Variants in PKD1 observed in about 807,000 individuals in gnomAD.
The protein encoded by PKD1 is polycystin-1.
PKD1 carries 81 observed loss-of-function variants against 361.7 expected under a neutral mutation model. The observed-to-expected ratio is 0.22, with a 90% confidence interval of 0.19 to 0.27. The LOEUF (loss-of-function observed/expected upper bound fraction) is 0.27. PKD1 is among the 10% of genes least tolerant of loss of function. The pLI is 1.00. For missense variants in PKD1, 6,399 were observed against 6,118.3 expected, an observed-to-expected ratio of 1.05 and a Z score of -1.53; for synonymous variants, 3,615 against 2,818.3, an observed-to-expected ratio of 1.28 and a Z score of -8.95.
rs1025630576 is a variant in PKD1, at chr16:2,107,236, G to A, written c.7066-288C>T. On this transcript the variant is annotated intron_variant, in intron 16 of 45. Coordinates refer to ENST00000262304, the MANE Select transcript of PKD1 (RefSeq NM_001009944.3). ...GCTCACTGAGGGCCCCTGGGGGGATGCGTGTGAGAAGAGACGTATGTGTGG... is the reference window on the plus strand; with the variant it reads ...GCTCACTGAGGGCCCCTGGGGGGATACGTGTGAGAAGAGACGTATGTGTGG... 6 of 500,124 alleles carry A rather than the reference G, an allele frequency of 1.2e-5. 1 individual carries two copies. The highest frequency in any genetic ancestry group is 3.2e-5 in the Admixed American group (1 of 31,446). 31.0% of individuals were successfully genotyped at this position (500,124 alleles called of 1,614,324 possible).
intron 37 of PKD1, 200 bp from the exon 38 acceptor site, chr16:2,093,293 G>C (rs2091685244): frequency 1.4e-6 from 1 of 703,218 alleles, no homozygotes; most frequent in Non-Finnish European, 2.4e-6. Flanking sequence ...AGACACACAG[G>C]CCACTGCAGT....
In PKD1 at chr16:2,106,269, C is replaced by T. The variant is rs370662937; in HGVS notation, c.7525G>A (p.Val2509Met). The change falls in exon 19 of 46, where the codon GTG becomes ATG. Residue 2509 changes from valine to methionine, a missense_variant. Val to Met is a conservative substitution (Grantham distance 21). Coordinates refer to ENST00000262304, the MANE Select transcript of PKD1 (RefSeq NM_001009944.3). The surrounding 1 kb of genome is among the most constrained non-coding windows in gnomAD (Gnocchi z 6.5). ...CAGCGCCGCAGCAGCAGGGCGTACA[C>T]CAGCGGGGCGCCAGCATCCTCCGCG... ...HDAEDAGAPL[V>M]YALLLRRCRQ... 7 of 1,610,066 alleles carry T rather than the reference C, an allele frequency of 4.3e-6. No individual in the cohort carries two copies. The highest frequency in any genetic ancestry group is 1.3e-5 in the African/African-American group (1 of 74,846).
chr16:2,120,541 G>A (rs1473625422), intron 1 of PKD1, among the ~76,000 whole-genome samples: 3 of 151,962 alleles, frequency 2.0e-5, no homozygotes, highest in African/African-American at 7.2e-5. Context: ...ATCTCTACAA[G>A]GAAAAAAAGA....
At chr16:2,115,762 C>G in intron 9 of PKD1, 137 bp from the exon 10 acceptor site, 2 of 1,023,888 alleles carry the variant, frequency 2.0e-6, no homozygotes, top group South Asian at 3.0e-5. Context: ...CAGCCCAGTG[C>G]TGCGTCCGTC....
In PKD1 at chr16:2,112,843, T is replaced by C. The variant is rs144425393; in HGVS notation, c.3106A>G (p.Thr1036Ala). ...AGCACGCCCGCCGTCAGTGCTAGCG[T>C]GGCATTGGGGGACAGCACGGCCGGC... ...TVPAVLSPNA[T>A]LALTAGVLVD... The change falls in exon 13 of 46, where the codon ACG becomes GCG. Residue 1036 changes from threonine to alanine, a missense_variant. Transcript: ENST00000262304. 3 of 1,604,430 alleles carry C rather than the reference T, an allele frequency of 1.9e-6. No homozygotes were observed. Among genetic ancestry groups the C allele is most frequent in the African/African-American group, 2.7e-5 (2 of 74,842 alleles).
At chr16:2,123,064 G>C (rs4091471) in intron 1 of PKD1, among the ~76,000 whole-genome samples, 3 of 152,170 alleles carry the variant, frequency 2.0e-5, no homozygotes, top group East Asian at 1.9e-4. Flanking sequence ...AGAGCCCCCC[G>C]GCTCCCCGCC....
Position 2,090,111 on chromosome 16 carries a change from G to T in PKD1, c.12528C>A (p.Pro4176=), listed in dbSNP as rs1450299390. ...SRGSKVSPDV[P]PPSAGSDASH... is the part of the protein sequence containing the mutation. ...AGGCATCGGAGCCAGCGCTGGGTGG[G>T]GGCACATCCGGGGATACCTTGGAGC... Residue 4176 remains proline (P), a synonymous_variant, in exon 46 of 46, where the codon CCC becomes CCA. Coordinates refer to ENST00000262304, the MANE Select transcript of PKD1 (RefSeq NM_001009944.3). The T allele has an allele frequency of 1.2e-6, 2 of 1,602,480 alleles. No individual in the cohort carries two copies. Among genetic ancestry groups the T allele is most frequent in the East Asian group, 4.5e-5 (2 of 44,672 alleles).
rs1324709579 is a variant in PKD1 at position 2,089,011 on chromosome 16, AGGCCTGGGCGCTGCTCTCTTGCTACCT to A, written c.*689_*715del. The A allele has an allele frequency of 1.3e-5, 3 of 227,110 alleles. No homozygotes were observed. Among genetic ancestry groups the A allele is most frequent in the Non-Finnish European group, 2.7e-5 (3 of 113,206 alleles). 14.1% of individuals were successfully genotyped at this position (227,110 alleles called of 1,614,324 possible). A position where few individuals can be genotyped will look rare whatever the true frequency, so the allele number is the denominator to read the frequency against. ...CTACTTGCCCAGACCTGATGCCAGC[AGGCCTGGGCGCTGCTCTCTTGCTACCT>A]GGCCTGGGGCAAGGGAGGATGACAA... On this transcript the variant is annotated 3_prime_UTR_variant, in exon 46 of 46. Transcript: ENST00000262304.
Position 2,110,724 on chromosome 16 carries a change from C to T in PKD1, c.4443G>A (p.Leu1481=). 6.2e-7 allele frequency: 1 copy of T among 1,610,274 alleles called. No individual in the cohort carries two copies. The highest frequency in any genetic ancestry group is 8.5e-7 in the Non-Finnish European group (1 of 1,179,522). Residue 1481 remains leucine, a synonymous_variant, in exon 15 of 46, where the codon CTG becomes CTA. Transcript: ENST00000262304. ...CAGCAGAGAACAGGTACGGCTGCTG[C>T]AGCTCCAGCCCAAGGGAGCCATTGA... ...IKVNGSLGLE[L]QQPYLFSAVG...
rs374776444 is a variant in PKD1, at chr16:2,111,242, G to C, written c.3925C>G (p.Pro1309Ala). 145 of 1,610,726 alleles carry C rather than the reference G, an allele frequency of 9.0e-5. 3 individuals carry two copies. In the South Asian group the frequency reaches 1.1e-3, roughly 13 times the overall value. Residue 1309 changes from proline (P) to alanine (A), a missense_variant, in exon 15 of 46, where the codon CCT becomes GCT. Coordinates refer to ENST00000262304, the MANE Select transcript of PKD1 (RefSeq NM_001009944.3). ...VEPAACIPTQ[P>A]DARLTAYVTG... The stretch of plus-strand genomic sequence containing the variant: ...ACGTAGGCCGTGAGCCGCGCGTCAG[G>C]CTGCGTGGGGATGCAGGCGGCGGGT...
At chr16:2,092,307 C>A in intron 39 of PKD1, 119 bp from the exon 40 acceptor site, 1 of 1,174,966 alleles carries the variant, frequency 8.5e-7, no homozygotes, top group Non-Finnish European at 1.2e-6. Context: ...ACCCTCCCAG[C>A]AGCCATCAAT....
chr16:2,110,112 G>T lies in PKD1; in HGVS notation c.5055C>A (p.Leu1685=). 1 of 1,609,672 alleles carries T rather than the reference G, an allele frequency of 6.2e-7. No homozygotes were observed. Among genetic ancestry groups the T allele is most frequent in the South Asian group, 1.1e-5 (1 of 90,846 alleles). ...GGTAGGTGCCGGCCTCGAGCACGGT[G>T]AGCGAGAAGCCTTTGCCGCTGCCGG... ...ALAGSGKGFS[L]TVLEAGTYHV... The change falls in exon 15 of 46, where the codon CTC becomes CTA. Residue 1685 remains leucine, a synonymous_variant. Transcript: ENST00000262304.
In PKD1 at chr16:2,108,409, G is replaced by A. The variant is rs759116613; in HGVS notation, c.6758C>T (p.Pro2253Leu). 3.1e-6 allele frequency: 5 copies of A among 1,610,420 alleles called. No individual in the cohort carries two copies. In the South Asian group the frequency reaches 4.4e-5, roughly 14 times the overall value. ...CTCAATGATGGGCACCAGGCGCTCG[G>A]GGGCCACCGTCACATTGGCCTGGAT... ...QSIQANVTVAPERLVPIIEGG... is the reference protein window; with the variant it reads ...QSIQANVTVALERLVPIIEGG... The change falls in exon 15 of 46, where the codon CCC becomes CTC. Residue 2253 changes from proline to leucine, a missense_variant. Transcript: ENST00000262304.
In PKD1 at chr16:2,108,347, G is replaced by T. The variant is rs779525232; in HGVS notation, c.6820C>A (p.Leu2274Met). 1 of 1,609,204 alleles carries T rather than the reference G, an allele frequency of 6.2e-7. No individual in the cohort carries two copies. The highest frequency in any genetic ancestry group is 1.3e-5 in the African/African-American group (1 of 74,976). ...SYRVWSDTRD[L>M]VLDGSESYDP... ...TAGGACTCGCTCCCATCCAGCACCA[G>T]GTCCCGTGTGTCTGACCACACGCGG... Residue 2274 changes from leucine to methionine, a missense_variant, in exon 15 of 46, where the codon CTG (leucine) becomes ATG (methionine). Transcript: ENST00000262304.
At chr16:2,099,465 C>CTT (rs2091996093) in intron 30 of PKD1, 179 bp downstream of exon 30, 1 of 700,960 alleles carries the variant, frequency 1.4e-6, no homozygotes, top group Admixed American at 2.0e-5. Context: ...GCTTCTGAGT[C>CTT]TTCTCTCTTT....
At chr16:2,096,379 G>A (rs754974210) in intron 34 of PKD1, among the ~76,000 whole-genome samples, 5 of 152,256 alleles carry the variant, frequency 3.3e-5, no homozygotes, top group Non-Finnish European at 5.9e-5. Flanking sequence ...GGCAGAGCCC[G>A]GGGTCACACG....
chr16:2,097,197 G>A lies in PKD1; in HGVS notation c.10450C>T (p.Pro3484Ser). Residue 3484 changes from proline to serine, a missense_variant, in exon 34 of 46, where the codon CCA (proline) becomes TCA (serine). Coordinates refer to ENST00000262304, the MANE Select transcript of PKD1 (RefSeq NM_001009944.3). The stretch of plus-strand genomic sequence containing the variant: ...ATGTGGGTGTCTTGGGTAGGGGCTG[G>A]GCTGCTGACCCCCTCGGCAAGGACC... ...QQVLAEGVSS[P>S]APTQDTHMET... The A allele has an allele frequency of 6.4e-7, 1 of 1,564,956 alleles. No individual in the cohort carries two copies.
rs1375568243 is a variant in PKD1, at chr16:2,100,932, A to G, written c.9398-366T>C. On this transcript the variant is annotated intron_variant, in intron 26 of 45. Coordinates refer to ENST00000262304, the MANE Select transcript of PKD1 (RefSeq NM_001009944.3). The surrounding 1 kb of genome is among the most constrained non-coding windows in gnomAD (Gnocchi z 4.4). ...GTCCCTCAGTTCATGCACAGACTGC[A>G]AAGCGTGAAGCTGTGTCACCTCCTC... 1.3e-5 allele frequency among the ~76,000 whole-genome samples: 2 copies of G among 152,142 alleles called. No homozygotes were observed. Among genetic ancestry groups the G allele is most frequent in the Admixed American group, 6.5e-5 (1 of 15,280 alleles).
At chr16:2,115,958 C>T in intron 9 of PKD1, 34 bp downstream of exon 9, 2 of 800,210 alleles carry the variant, frequency 2.5e-6, no homozygotes, top group Non-Finnish European at 3.6e-6. Context: ...TCCTGCGGCG[C>T]CCACCACCCA....
Sources: allele counts gnomAD v4.1 joint callset (sites outside exome capture counted in the v4.1 genomes callset), GRCh38; gene constraint gnomAD v4.1.1; non-coding constraint Gnocchi (gnomAD v3.1); transcripts MANE v1.5; gene names NCBI Gene and HGNC (gene_info 2026-07-23, HGNC 2026-07-21).